DSC2: variants seen among roughly 807,000 people sequenced by gnomAD.
DSC2 encodes the protein desmocollin 2.
A neutral mutation model predicts 87.6 loss-of-function variants in DSC2; 51 were observed. That is an observed-to-expected ratio of 0.58 (90% CI 0.46 to 0.74). The LOEUF is 0.74. Among genes scored for constraint, DSC2 ranks in the 30% least tolerant of loss-of-function variants. The pLI is 0.00. For synonymous variants in DSC2, 383 were observed against 393.2 expected (o/e 0.97, Z 0.31); for missense variants, 1,066 against 1,089.5 (o/e 0.98, Z 0.30).
At chr18:31,074,023 T>C (rs1429283821) in intron 12 of DSC2, among the ~76,000 whole-genome samples, 2 of 152,216 alleles carry the variant, frequency 1.3e-5, no homozygotes, top group Non-Finnish European at 2.9e-5. Flanking sequence ...CTTCCGGGAT[T>C]GTGCCTTTTT....
intron 7 of DSC2, among the ~76,000 whole-genome samples, chr18:31,084,665 CTT>C (rs1036064612): frequency 6.8e-6 from 1 of 146,680 alleles, no homozygotes; most frequent in Admixed American, 6.8e-5. Flanking sequence ...TGAGTTTTTG[CTT>C]TTTTTTTTTT....
At chr18:31,076,905 T>C (rs1987035397) in intron 11 of DSC2, among the ~76,000 whole-genome samples, 1 of 152,272 alleles carries the variant, frequency 6.6e-6, no homozygotes, top group South Asian at 2.1e-4. Context: ...CAAGAAGAGA[T>C]ACCAGAAGAT....
intron 12 of DSC2, among the ~76,000 whole-genome samples, chr18:31,072,259 T>G (rs926728582): frequency 2.6e-5 from 4 of 152,222 alleles, no homozygotes; most frequent in Admixed American, 6.5e-5. Flanking sequence ...TTTCCTTTAC[T>G]TCATTTTCAA....
rs1314641804 is a variant in DSC2, at chr18:31,080,204, C to T, written c.1412G>A (p.Cys471Tyr). 1 of 1,614,072 alleles carries T rather than the reference C, an allele frequency of 6.2e-7. No homozygotes were observed. The highest frequency in any genetic ancestry group is 8.5e-7 in the Non-Finnish European group (1 of 1,180,010). ...GCGAACAGTCTGTATTGGAGGGTTA[C>T]ACTCAGGGCCCTCATCCTGATCTTC... ...NVEDQDEGPE[C>Y]NPPIQTVRMK... Residue 471 changes from cysteine (C) to tyrosine (Y), a missense_variant, in exon 10 of 16, where the codon TGT (cysteine) becomes TAT (tyrosine). Cys to Tyr is a radical substitution (Grantham distance 194, BLOSUM62 -2). Coordinates refer to ENST00000280904, the MANE Select transcript of DSC2 (RefSeq NM_024422.6).
In DSC2 at chr18:31,071,671, C is replaced by T. The variant is rs199616533; in HGVS notation, c.2059G>A (p.Gly687Ser). 3.6e-5 allele frequency: 58 copies of T among 1,599,750 alleles called. No individual in the cohort carries two copies. Among genetic ancestry groups the T allele is most frequent in the Non-Finnish European group, 4.3e-5 (51 of 1,174,132 alleles). Reference sequence around the variant, plus strand: ...CACTTTCCAAGTTGTACTCCTCCACCGCCAATCCTTGGATCTACACGATGT... The same window carrying T: ...CACTTTCCAAGTTGTACTCCTCCACTGCCAATCCTTGGATCTACACGATGT... ...CTHRVDPRIG[G>S]GGVQLGKWAI... The change falls in exon 13 of 16, where the codon GGT (glycine) becomes AGT (serine). Residue 687 changes from glycine (G) to serine (S), a missense_variant. Physicochemically the swap from Gly to Ser is moderately conservative, Grantham distance 56 (BLOSUM62 0). Transcript: ENST00000280904.
intron 9 of DSC2, among the ~76,000 whole-genome samples, chr18:31,081,654 G>A (rs993126550): frequency 1.1e-4 from 17 of 152,112 alleles, no homozygotes; most frequent in African/African-American, 3.9e-4. Context: ...AGATGCAGCA[G>A]AAATAAGTCT....
intron 7 of DSC2, 80 bp from the exon 8 acceptor site, chr18:31,083,140 T>G: frequency 6.6e-7 from 1 of 1,508,992 alleles, no homozygotes; most frequent in Non-Finnish European, 9.0e-7. Flanking sequence ...CTCCATAATT[T>G]TTTTGCACTA....
At chr18:31,075,588 C>T (rs1392737793) in intron 11 of DSC2, among the ~76,000 whole-genome samples, 4 of 152,128 alleles carry the variant, frequency 2.6e-5, no homozygotes, top group African/African-American at 7.2e-5. Context: ...CAGTGGCTCA[C>T]GCCTGTAATC....
rs1458944322 is a variant in DSC2, at chr18:31,078,411, TAACA to T, written c.1663+1432_1663+1435del. 4.6e-5 allele frequency among the ~76,000 whole-genome samples: 7 copies of T among 152,276 alleles called. No individual in the cohort carries two copies. The East Asian group carries it at 1.4e-3, about 29-fold the overall frequency. ...TAAGCAGTGCCCCATCTCAATTCCA[TAACA>T]AATATTTGATCTCTCAATCACTTAA... On this transcript the variant is annotated intron_variant, in intron 11 of 15. Coordinates refer to ENST00000280904, the MANE Select transcript of DSC2 (RefSeq NM_024422.6).
chr18:31,078,891 AATC>A (rs1987108350), intron 11 of DSC2, among the ~76,000 whole-genome samples: 1 of 152,184 alleles, frequency 6.6e-6, no homozygotes, highest in Non-Finnish European at 1.5e-5. Flanking sequence ...TCTCATAAAT[AATC>A]ATCATACTCA....
At chr18:31,090,596 G>C (rs796667209) in intron 4 of DSC2, among the ~76,000 whole-genome samples, 49 of 152,226 alleles carry the variant, frequency 3.2e-4, no homozygotes, top group African/African-American at 1.1e-3. Flanking sequence ...GACAGAGAGA[G>C]AGAGAAAGAA....
intron 11 of DSC2, among the ~76,000 whole-genome samples, chr18:31,077,762 A>G (rs768741383): frequency 1.9e-4 from 29 of 152,188 alleles, no homozygotes; most frequent in Non-Finnish European, 4.4e-5. Context: ...CCATGGTTTC[A>G]TGCTTTATGT....
intron 15 of DSC2, 21 bp from the exon 16 acceptor site, chr18:31,068,233 A>G: frequency 6.2e-7 from 1 of 1,613,476 alleles, no homozygotes; most frequent in Non-Finnish European, 8.5e-7. Context: ...GAAAAACACA[A>G]CGTTTTTATT....
At chr18:31,085,773 A>G (rs1319210939) in intron 7 of DSC2, among the ~76,000 whole-genome samples, 1 of 152,060 alleles carries the variant, frequency 6.6e-6, no homozygotes, top group Admixed American at 6.6e-5. Context: ...ATATTTTAAG[A>G]TTAAGGATTA....
chr18:31,085,343 C>A (rs985839179), intron 7 of DSC2, among the ~76,000 whole-genome samples: 2 of 151,864 alleles, frequency 1.3e-5, no homozygotes, highest in Non-Finnish European at 2.9e-5. Context: ...ATTCTTCCCA[C>A]TAAATTGTAC....
chr18:31,101,181 T>C lies in DSC2; in HGVS notation c.69+722A>G, dbSNP rs560547205. On this transcript the variant is annotated intron_variant, in intron 1 of 15. Transcript: ENST00000280904. ...TCCGAAGATTTAGGGAACTGAAGCCTCGCACGTTAAGAAACCACTGAAACT... is the reference window on the plus strand; with the variant it reads ...TCCGAAGATTTAGGGAACTGAAGCCCCGCACGTTAAGAAACCACTGAAACT... The C allele has an allele frequency of 1.8e-4, 177 of 985,162 alleles. No individual in the cohort carries two copies. The Middle Eastern group carries it at 2.6e-3, about 15-fold the overall frequency. The allele number at this position is 985,162 out of a possible 1,614,324, so 61.0% of individuals were successfully genotyped here.
At position 31,082,429 on chromosome 18, in the gene DSC2, A is replaced by C. The variant is rs1555639038; in HGVS notation, c.1078-6T>G. ...TCTTCCACTGATGTCACATACTAAA[A>C]TAATAAAAGCAAACAAAAAATTTCG... On this transcript the variant is annotated splice_region_variant and splice_polypyrimidine_tract_variant and intron_variant, in intron 8 of 15. Coordinates refer to ENST00000280904, the MANE Select transcript of DSC2 (RefSeq NM_024422.6). 1.9e-6 allele frequency: 3 copies of C among 1,612,486 alleles called. No individual in the cohort carries two copies. The highest frequency in any genetic ancestry group is 2.5e-6 in the Non-Finnish European group (3 of 1,179,778).
chr18:31,095,512 G>A (rs537103050), intron 1 of DSC2, among the ~76,000 whole-genome samples: 1 of 152,268 alleles, frequency 6.6e-6, no homozygotes, highest in Admixed American at 6.5e-5. Flanking sequence ...GACTGATTGG[G>A]AGACTACAGC....
intron 9 of DSC2, among the ~76,000 whole-genome samples, chr18:31,081,504 T>A (rs1371825637): frequency 2.0e-5 from 3 of 152,128 alleles, no homozygotes; most frequent in Non-Finnish European, 2.9e-5. Flanking sequence ...TATTTTAAAA[T>A]AGAGAAAATA....
Sources: gnomAD v4.1 joint callset for allele counts (sites outside exome capture counted in the v4.1 genomes callset) on GRCh38, gnomAD v4.1.1 for gene constraint, MANE v1.5 for transcripts, NCBI Gene and HGNC (gene_info 2026-07-23, HGNC 2026-07-21) for gene names.